Variants in SOX13 observed in about 807,000 individuals in gnomAD.
SOX13 encodes the protein SRY-box transcription factor 13, also known as transcription factor SOX-13.
SOX13 carries 28 observed loss-of-function variants against 71.8 expected under a neutral mutation model. The ratio of observed to expected loss-of-function variants is 0.39; its 90% CI spans 0.29 to 0.53. The LOEUF (loss-of-function observed/expected upper bound fraction) is 0.53, where lower values mean the gene tolerates loss of function less well. Ranked by LOEUF, SOX13 falls within the 20% of genes least tolerant of loss-of-function variation. SOX13 has a pLI of 0.70. For missense variants in SOX13, 627 were observed against 810.3 expected (o/e 0.77, Z 2.75); for synonymous variants, 309 against 317.8 (o/e 0.97, Z 0.29).
intron 9 of SOX13, 164 bp downstream of exon 9, chr1:204,122,563 T>A (rs1656831392): frequency 3.2e-6 from 2 of 628,494 alleles, no homozygotes; most frequent in Non-Finnish European, 5.5e-6. Flanking sequence ...CTCTCCCTCA[T>A]CATATCTGTC....
intron 1 of SOX13, among the ~76,000 whole-genome samples, chr1:204,089,545 G>T (rs951867909): frequency 2.0e-5 from 3 of 152,202 alleles, no homozygotes; most frequent in South Asian, 2.1e-4. Context: ...AGGGGACCCC[G>T]GAAGAGGGGT....
chr1:204,117,777 C>A, intron 7 of SOX13, 70 bp downstream of exon 7: 1 of 930,440 alleles, frequency 1.1e-6, no homozygotes, highest in Non-Finnish European at 1.7e-6. Context: ...CGCCCTGGAG[C>A]CACTCTCATC....
intron 1 of SOX13, among the ~76,000 whole-genome samples, chr1:204,107,134 G>T (rs1240109387): frequency 6.6e-6 from 1 of 152,176 alleles, no homozygotes; most frequent in African/African-American, 2.4e-5. Context: ...ACAACTTACA[G>T]AATAGATATT....
chr1:204,097,601 G>A (rs1656276754), intron 1 of SOX13, among the ~76,000 whole-genome samples: 2 of 149,706 alleles, frequency 1.3e-5, no homozygotes, highest in Non-Finnish European at 3.0e-5. Context: ...TGAGGCAGGA[G>A]AATCACTTGA....
Position 204,125,891 on chromosome 1 carries a change from A to G in SOX13, c.1626A>G (p.Ser542=), listed in dbSNP as rs2102269751. ...PQAGQVQMSS[S]DVLYPRAAGM... ...CTGGCCAGGTGCAGATGAGCTCCTC[A>G]GATGTCCTGTACCCTCGGGCAGCAG... Residue 542 remains serine, a synonymous_variant, in exon 14 of 14, where the codon TCA becomes TCG. Transcript: ENST00000367204. The G allele has an allele frequency of 1.9e-6, 3 of 1,612,876 alleles. No homozygotes were observed. The highest frequency in any genetic ancestry group is 2.5e-6 in the Non-Finnish European group (3 of 1,179,710).
intron 1 of SOX13, among the ~76,000 whole-genome samples, chr1:204,089,693 G>A (rs570847710): frequency 9.2e-5 from 14 of 152,336 alleles, no homozygotes; most frequent in African/African-American, 2.4e-4. Context: ...CGGGCACCAG[G>A]GCTGTGTGGG....
intron 1 of SOX13, among the ~76,000 whole-genome samples, chr1:204,083,613 G>T (rs1040461773): frequency 1.4e-4 from 21 of 152,336 alleles, no homozygotes; most frequent in Non-Finnish European, 2.9e-5. Flanking sequence ...GGCCTTTTAA[G>T]CAGCCGCGGG....
intron 1 of SOX13, among the ~76,000 whole-genome samples, chr1:204,098,766 CCCT>C (rs1656303555): frequency 6.6e-5 from 10 of 152,122 alleles, no homozygotes; most frequent in Admixed American, 6.5e-4. Context: ...CAGCCTGGAG[CCCT>C]CCAGAATGCT....
rs61199162 is a variant in SOX13 at position 204,073,975 on chromosome 1, TTGTGTGTG to T, written c.-2+282_-2+289del. On this transcript the variant is annotated intron_variant, in intron 1 of 13. Transcript: ENST00000367204. This position sits in a 1 kb window ranked among gnomAD's most constrained non-coding sequence, Gnocchi z 6.8. ...AGGCAGTGCGTGGCTGTGTGTGTGT[TTGTGTGTG>T]TGTGTGTGTGTGTGTGTACGCGCGC... is the stretch of plus-strand genomic sequence containing the variant. The T allele has an allele frequency of 0.84, 125,791 of 149,980 alleles. 52,906 individuals carry two copies. Among genetic ancestry groups the T allele is most frequent in the Middle Eastern group, 0.9 (258 of 288 alleles). The allele number at this position is 149,980 out of a possible 1,614,324, so 9.3% of individuals were successfully genotyped here.
chr1:204,104,207 A>G (rs772347860), intron 1 of SOX13, among the ~76,000 whole-genome samples: 5 of 152,086 alleles, frequency 3.3e-5, no homozygotes, highest in Admixed American at 6.5e-5. Context: ...CCACTCTACC[A>G]GGTGAATGCC....
rs758121705 is a variant in SOX13 at position 204,117,189 on chromosome 1, A to G, written c.659A>G (p.Gln220Arg). The change falls in exon 6 of 14, where the codon CAG becomes CGG. Residue 220 changes from glutamine to arginine, a missense_variant and splice_region_variant. Gln to Arg is a conservative substitution (Grantham distance 43). Transcript: ENST00000367204. The part of the protein sequence containing the change: ...HKINLLQQQI[Q>R]QVNMPYVMIP... Reference sequence around the variant, plus strand: ...ATCAACCTCCTTCAGCAGCAGATCCAGGTAACCGGAGGGGAGACCCGGAGA... The same window carrying G: ...ATCAACCTCCTTCAGCAGCAGATCCGGGTAACCGGAGGGGAGACCCGGAGA... The G allele has an allele frequency of 7.4e-6, 12 of 1,613,786 alleles. No individual in the cohort carries two copies. The South Asian group carries it at 1.3e-4, about 18-fold the overall frequency.
intron 1 of SOX13, among the ~76,000 whole-genome samples, chr1:204,082,080 G>C (rs143887678): frequency 4.0e-5 from 6 of 151,776 alleles, no homozygotes; most frequent in Non-Finnish European, 7.4e-5. Context: ...GGGTGTGTGT[G>C]GGGGGGAGGG....
chr1:204,109,828 A>G, intron 1 of SOX13, among the ~76,000 whole-genome samples: 1 of 151,954 alleles, frequency 6.6e-6, no homozygotes, highest in South Asian at 2.1e-4. Flanking sequence ...TATTATTATT[A>G]TCATTATTAT....
chr1:204,123,080 A>G lies in SOX13; in HGVS notation c.1135-32A>G. 3 of 1,576,854 alleles carry G rather than the reference A, an allele frequency of 1.9e-6. No individual in the cohort carries two copies. The South Asian group carries it at 3.3e-5, about 17-fold the overall frequency. ...GGGGAGGAGTGGGGTGATGCAGAGG[A>G]GGCTGATGTCAGGTTGCCCCTGTCA... On this transcript the variant is annotated intron_variant, in intron 10 of 13. Transcript: ENST00000367204. This position sits in a 1 kb window ranked among gnomAD's most constrained non-coding sequence, Gnocchi z 5.0.
intron 1 of SOX13, among the ~76,000 whole-genome samples, chr1:204,105,677 A>T (rs925905634): frequency 2.0e-5 from 3 of 152,158 alleles, no homozygotes; most frequent in Non-Finnish European, 2.9e-5. Context: ...AAGTGCTGGG[A>T]TTACAGATAT....
At position 204,126,209 on chromosome 1, in the gene SOX13, C is replaced by T. The variant is rs191336298; in HGVS notation, c.*75C>T. 1.9e-4 allele frequency: 277 copies of T among 1,488,072 alleles called. 2 individuals carry two copies. In the East Asian group the frequency reaches 5.9e-3, roughly 32 times the overall value. The allele number at this position is 1,488,072 out of a possible 1,614,324, so 92.2% of individuals were successfully genotyped here. A position where few individuals can be genotyped will look rare whatever the true frequency, so the allele number is the denominator to read the frequency against. On this transcript the variant is annotated 3_prime_UTR_variant, in exon 14 of 14. Coordinates refer to ENST00000367204, the MANE Select transcript of SOX13 (RefSeq NM_005686.3). The stretch of plus-strand genomic sequence containing the variant: ...CAACTCGATGGGCACAGCCAGCCAA[C>T]CTAAGACTATGTTGGTACTTGGACT...
At chr1:204,075,404 C>G (rs1571559508) in intron 1 of SOX13, among the ~76,000 whole-genome samples, 2 of 152,382 alleles carry the variant, frequency 1.3e-5, no homozygotes, top group Admixed American at 1.3e-4. Context: ...GAGGCTGACC[C>G]CTGTTTCCAC....
At chr1:204,125,182 G>A (rs1033402773) in intron 13 of SOX13, among the ~76,000 whole-genome samples, 5 of 152,152 alleles carry the variant, frequency 3.3e-5, no homozygotes, top group African/African-American at 9.7e-5. Context: ...AGAAATCAAA[G>A]TATTCATCAC....
chr1:204,075,406 T>A (rs1003261995), intron 1 of SOX13, among the ~76,000 whole-genome samples: 1 of 152,260 alleles, frequency 6.6e-6, no homozygotes, highest in African/African-American at 2.4e-5. Flanking sequence ...GGCTGACCCC[T>A]GTTTCCACTG....
Sources: gnomAD v4.1 joint callset for allele counts (sites outside exome capture counted in the v4.1 genomes callset) on GRCh38, gnomAD v4.1.1 for gene constraint, Gnocchi (gnomAD v3.1) non-coding constraint, MANE v1.5 for transcripts, NCBI Gene and HGNC (gene_info 2026-07-23, HGNC 2026-07-21) for gene names.